The following SPAG16 variants were observed in gnomAD, a reference collection of about 807,000 sequenced individuals.
The protein encoded by SPAG16 is sperm associated antigen 16, also known as sperm-associated antigen 16 protein.
SPAG16 carries 86 observed loss-of-function variants against 80.4 expected under a neutral mutation model. The ratio of observed to expected loss-of-function variants is 1.07; its 90% CI spans 0.90 to 1.28. SPAG16 has a LOEUF of 1.28. SPAG16 is among the 50% of genes most tolerant of loss of function. The pLI is 0.00. For missense variants in SPAG16, 870 were observed against 765.3 expected (o/e 1.14, Z -1.61); for synonymous variants, 294 against 265.9 (o/e 1.11, Z -1.03).
chr2:213,554,303 C>T (rs2059355832), intron 10 of SPAG16, among the ~76,000 whole-genome samples: 1 of 152,216 alleles, frequency 6.6e-6, no homozygotes, highest in South Asian at 2.1e-4. Context: ...GACTACATTT[C>T]TGGCATTCTC....
chr2:214,357,415 C>A (rs977486879), intron 15 of SPAG16, among the ~76,000 whole-genome samples: 9 of 151,752 alleles, frequency 5.9e-5, no homozygotes, highest in African/African-American at 1.9e-4. Context: ...TGGGCTACAT[C>A]CTGTTCAATT....
chr2:213,705,088 TA>T lies in SPAG16; in HGVS notation c.1071-157388del, dbSNP rs745672400. On this transcript the variant is annotated intron_variant, in intron 10 of 15. Coordinates refer to ENST00000331683, the MANE Select transcript of SPAG16 (RefSeq NM_024532.5). Reference sequence around the variant, plus strand: ...TAACATGGTGAAACCCTGTCCCTACTAAAAAAAAACAAAAAACAAAAATTAG... The same window carrying T: ...TAACATGGTGAAACCCTGTCCCTACTAAAAAAAACAAAAAACAAAAATTAG... Among the ~76,000 whole-genome samples the T allele has an allele frequency of 9.3e-5, 14 of 150,212 alleles. No individual in the cohort carries two copies. In the South Asian group the frequency reaches 2.1e-3, roughly 23 times the overall value.
chr2:214,257,529 G>T (rs1292233385), intron 15 of SPAG16, among the ~76,000 whole-genome samples: 4 of 151,982 alleles, frequency 2.6e-5, no homozygotes, highest in African/African-American at 9.7e-5. Context: ...TTCTCAATTT[G>T]CTAAGAGTGT....
intron 10 of SPAG16, among the ~76,000 whole-genome samples, chr2:213,851,308 G>A (rs990431444): frequency 6.6e-6 from 1 of 152,056 alleles, no homozygotes; most frequent in Non-Finnish European, 1.5e-5. Context: ...TCAGGAGTTC[G>A]AGACCAGCCT....
intron 9 of SPAG16, among the ~76,000 whole-genome samples, chr2:213,390,864 A>G (rs1472940756): frequency 6.6e-6 from 1 of 152,248 alleles, no homozygotes; most frequent in Admixed American, 6.5e-5. Context: ...CTTGGTTTAT[A>G]CTACCAATAT....
chr2:214,299,887 A>G (rs1290396801), intron 15 of SPAG16, among the ~76,000 whole-genome samples: 1 of 152,170 alleles, frequency 6.6e-6, no homozygotes, highest in East Asian at 1.9e-4. Flanking sequence ...TTAGAAAGTG[A>G]CATTTCTTAT....
intron 10 of SPAG16, among the ~76,000 whole-genome samples, chr2:213,620,280 A>ATTTT (rs2061727120): frequency 9.1e-6 from 1 of 110,002 alleles, no homozygotes; most frequent in African/African-American, 3.9e-5. Context: ...TAATTTATTG[A>ATTTT]GTTTTTTTTT....
chr2:214,323,728 A>G (rs1188578703), intron 15 of SPAG16, among the ~76,000 whole-genome samples: 1 of 152,230 alleles, frequency 6.6e-6, no homozygotes, highest in Non-Finnish European at 1.5e-5. Context: ...AATAAACAAA[A>G]TTCTCCCATT....
intron 9 of SPAG16, among the ~76,000 whole-genome samples, chr2:213,469,074 C>A (rs1190679579): frequency 6.6e-6 from 1 of 152,078 alleles, no homozygotes; most frequent in Non-Finnish European, 1.5e-5. Flanking sequence ...TTTGGCAACA[C>A]CCTCACAGAC....
intron 15 of SPAG16, among the ~76,000 whole-genome samples, chr2:214,242,597 A>G (rs141921910): frequency 1.3e-5 from 2 of 152,326 alleles, no homozygotes; most frequent in African/African-American, 2.4e-5. Flanking sequence ...TAAGAAAAAA[A>G]TATTGCATTT....
intron 13 of SPAG16, among the ~76,000 whole-genome samples, chr2:214,092,493 G>A (rs1462976359): frequency 7.0e-6 from 1 of 142,372 alleles, no homozygotes; most frequent in Non-Finnish European, 1.5e-5. Context: ...GTGTTACTAT[G>A]AATATATATA....
At position 213,986,907 on chromosome 2, in the gene SPAG16, A is replaced by T. The variant is rs866794585; in HGVS notation, c.1401-27044A>T. Among the ~76,000 whole-genome samples the T allele has an allele frequency of 8.3e-3, 1,262 of 151,140 alleles. 24 individuals carry two copies. Among genetic ancestry groups the T allele is most frequent in the African/African-American group, 0.028 (1,171 of 41,284 alleles). ...CTGGTATAGCAAAAAAAAAAAAAAA[A>T]AAAAAAAAAAATCTAAGAAACTATC... On this transcript the variant is annotated intron_variant, in intron 12 of 15. Coordinates refer to ENST00000331683, the MANE Select transcript of SPAG16 (RefSeq NM_024532.5).
At chr2:214,393,706 A>G (rs1701212773) in intron 15 of SPAG16, among the ~76,000 whole-genome samples, 1 of 152,128 alleles carries the variant, frequency 6.6e-6, no homozygotes, top group Admixed American at 6.5e-5. Context: ...AATGCTTTAC[A>G]ACACTCATAA....
chr2:213,717,018 G>A (rs568086427), intron 10 of SPAG16, among the ~76,000 whole-genome samples: 3 of 152,100 alleles, frequency 2.0e-5, no homozygotes, highest in South Asian at 2.1e-4. Context: ...GAGCTGTAAA[G>A]ATAGGAGTGT....
intron 9 of SPAG16, among the ~76,000 whole-genome samples, chr2:213,468,060 C>G (rs1367447780): frequency 6.6e-6 from 1 of 152,114 alleles, no homozygotes; most frequent in Non-Finnish European, 1.5e-5. Context: ...TGTCCCATGG[C>G]CTGCTTCTGC....
chr2:213,937,863 G>C (rs1317342181), intron 12 of SPAG16, among the ~76,000 whole-genome samples: 2 of 151,926 alleles, frequency 1.3e-5, no homozygotes, highest in South Asian at 4.1e-4. Flanking sequence ...TGATGTGAAC[G>C]TTCTTTGATA....
At chr2:214,310,203 CTTTATA>C (rs748494313) in intron 15 of SPAG16, among the ~76,000 whole-genome samples, 1 of 147,902 alleles carries the variant, frequency 6.8e-6, no homozygotes, top group Non-Finnish European at 1.5e-5. Flanking sequence ...TTGCAAGGGA[CTTTATA>C]TTTATTTTTT....
chr2:213,805,102 C>T (rs569327653), intron 10 of SPAG16, among the ~76,000 whole-genome samples: 7 of 152,170 alleles, frequency 4.6e-5, no homozygotes, highest in African/African-American at 1.4e-4. Flanking sequence ...TATTTATGGC[C>T]ACAGAGCTAA....
At chr2:213,713,075 C>T (rs1332748778) in intron 10 of SPAG16, among the ~76,000 whole-genome samples, 1 of 152,148 alleles carries the variant, frequency 6.6e-6, no homozygotes, top group African/African-American at 2.4e-5. Flanking sequence ...GAAAGCCCCT[C>T]ATAAAACCAT....
Sources: allele counts gnomAD v4.1 joint callset (sites outside exome capture counted in the v4.1 genomes callset), GRCh38; gene constraint gnomAD v4.1.1; transcripts MANE v1.5; gene names NCBI Gene and HGNC (gene_info 2026-07-23, HGNC 2026-07-21).